Variants in PAPOLG observed in about 807,000 individuals in gnomAD.
The protein encoded by PAPOLG is poly(A) polymerase gamma, also known as PAP-gamma.
PAPOLG carries 40 observed loss-of-function variants against 99.0 expected under a neutral mutation model. The observed-to-expected ratio is 0.40, with a 90% CI of 0.31 to 0.53. PAPOLG has a LOEUF of 0.53. Among genes scored for constraint, PAPOLG ranks in the 20% least tolerant of loss-of-function variants. The probability of loss-of-function intolerance (pLI) is 0.41; values close to 1 mark genes in which losing one functional copy is unlikely to be tolerated. For synonymous variants in PAPOLG, 310 were observed against 299.3 expected, an observed-to-expected ratio of 1.04 and a Z score of -0.37; for missense variants, 675 against 884.1, an observed-to-expected ratio of 0.76 and a Z score of 3.00.
In PAPOLG at chr2:60,765,342, T is replaced by C. The variant is rs1670644380; in HGVS notation, c.247-3128T>C. 2.0e-5 allele frequency among the ~76,000 whole-genome samples: 3 copies of C among 150,198 alleles called. No individual in the cohort carries two copies. The South Asian group carries it at 6.3e-4, about 32-fold the overall frequency. ...ATCCTCCTGCTTTGGCTTCCCATAG[T>C]GTTGAGATTACAGGCATGAGTCACA... On this transcript the variant is annotated intron_variant, in intron 3 of 21. Coordinates refer to ENST00000238714, the MANE Select transcript of PAPOLG (RefSeq NM_022894.4).
At chr2:60,792,670 G>A (rs933571559) in intron 17 of PAPOLG, among the ~76,000 whole-genome samples, 2 of 152,076 alleles carry the variant, frequency 1.3e-5, no homozygotes, top group Non-Finnish European at 2.9e-5. Context: ...CACGGCAGGC[G>A]AACTGCTGGA....
intron 7 of PAPOLG, among the ~76,000 whole-genome samples, chr2:60,772,790 G>A (rs1025247313): frequency 6.6e-6 from 1 of 152,150 alleles, no homozygotes; most frequent in Non-Finnish European, 1.5e-5. Context: ...GGAAAAGGGA[G>A]GAGTGTTTTA....
intron 6 of PAPOLG, among the ~76,000 whole-genome samples, chr2:60,771,299 T>A (rs986133369): frequency 4.3e-4 from 65 of 152,128 alleles, no homozygotes; most frequent in Non-Finnish European, 3.4e-4. Flanking sequence ...TTGGCATATA[T>A]GTTAACATTT....
At chr2:60,779,570 C>G (rs906947156) in intron 8 of PAPOLG, 67 bp from the exon 9 acceptor site, 16 of 1,491,924 alleles carry the variant, frequency 1.1e-5, no homozygotes, top group African/African-American at 1.4e-5. Context: ...TTGTAAAGAG[C>G]AGAAAAAAAA....
chr2:60,801,440 A>G lies in PAPOLG; in HGVS notation c.*4280A>G, dbSNP rs969772351. 2 of 150,826 alleles carry G rather than the reference A, an allele frequency of 1.3e-5. No individual in the cohort carries two copies. Among genetic ancestry groups the G allele is most frequent in the African/African-American group, 4.9e-5 (2 of 40,956 alleles). The allele number at this position is 150,826 out of a possible 1,614,324, so 9.3% of individuals were successfully genotyped here. A position where few individuals can be genotyped will look rare whatever the true frequency, so the allele number is the denominator to read the frequency against. Reference sequence around the variant, plus strand: ...GGTCACGTCATCCCCCAAATTGTCTATTTTTTCTTTTCTTTTTTTTTAAGA... The same window carrying G: ...GGTCACGTCATCCCCCAAATTGTCTGTTTTTTCTTTTCTTTTTTTTTAAGA... On this transcript the variant is annotated 3_prime_UTR_variant, in exon 22 of 22. Coordinates refer to ENST00000238714, the MANE Select transcript of PAPOLG (RefSeq NM_022894.4).
At chr2:60,756,576 C>A in intron 1 of PAPOLG, 81 bp downstream of exon 1, 4 of 1,441,332 alleles carry the variant, frequency 2.8e-6, no homozygotes, top group Non-Finnish European at 3.7e-6. Flanking sequence ...GTTTCCGTTC[C>A]CTGTCCCTTG....
At chr2:60,771,708 A>G (rs1262004702) in intron 7 of PAPOLG, 78 bp downstream of exon 7, 7 of 1,481,522 alleles carry the variant, frequency 4.7e-6, no homozygotes, top group East Asian at 4.7e-5. Context: ...TGAATTGACT[A>G]TTCAGTTTTG....
At chr2:60,776,910 A>G (rs929917561) in intron 8 of PAPOLG, among the ~76,000 whole-genome samples, 5 of 152,226 alleles carry the variant, frequency 3.3e-5, no homozygotes, top group African/African-American at 1.2e-4. Context: ...TTCATCAATG[A>G]TTTTAACTAG....
chr2:60,780,876 T>C lies in PAPOLG; in HGVS notation c.906+97T>C, dbSNP rs1226392930. The C allele has an allele frequency of 8.1e-6, 8 of 991,552 alleles. No homozygotes were observed. In the African/African-American group the frequency reaches 1.1e-4, roughly 14 times the overall value. 61.4% of individuals were successfully genotyped at this position (991,552 alleles called of 1,614,324 possible). The stretch of plus-strand genomic sequence containing the variant: ...TAAAGATAGTTCCTCTTGTCTCTGT[T>C]CTTCCTTCTATATAACTATAGTCCC... On this transcript the variant is annotated intron_variant, in intron 10 of 21. Coordinates refer to ENST00000238714, the MANE Select transcript of PAPOLG (RefSeq NM_022894.4).
chr2:60,794,888 G>A (rs1671649291), intron 20 of PAPOLG, 76 bp from the exon 21 acceptor site: 1 of 1,583,146 alleles, frequency 6.3e-7, no homozygotes, highest in African/African-American at 1.4e-5. Flanking sequence ...TTTTCGTTAG[G>A]TTTTATTTTA....
chr2:60,789,390 T>G (rs1469566292), intron 15 of PAPOLG, among the ~76,000 whole-genome samples: 1 of 151,536 alleles, frequency 6.6e-6, no homozygotes, highest in African/African-American at 2.4e-5. Flanking sequence ...AAGACTTGAT[T>G]TTTATGGGTT....
At chr2:60,759,978 C>T (rs1045438005) in intron 1 of PAPOLG, 156 bp from the exon 2 acceptor site, 1 of 225,144 alleles carries the variant, frequency 4.4e-6, no homozygotes, top group Admixed American at 6.5e-5. Flanking sequence ...CATAAAATAC[C>T]CATTTTTCCT....
intron 8 of PAPOLG, among the ~76,000 whole-genome samples, chr2:60,777,737 T>C (rs1262059737): frequency 6.6e-6 from 1 of 152,168 alleles, no homozygotes; most frequent in African/African-American, 2.4e-5. Context: ...GGTTCTTAAC[T>C]GGCCTAATTT....
intron 8 of PAPOLG, among the ~76,000 whole-genome samples, chr2:60,776,250 T>C (rs1671014290): frequency 6.6e-6 from 1 of 152,078 alleles, no homozygotes; most frequent in Non-Finnish European, 1.5e-5. Context: ...TTTTTTTTTC[T>C]GAGCAGTAGA....
At chr2:60,786,584 A>G (rs1381244908) in intron 13 of PAPOLG, among the ~76,000 whole-genome samples, 1 of 151,698 alleles carries the variant, frequency 6.6e-6, no homozygotes, top group African/African-American at 2.4e-5. Flanking sequence ...GCTGGAGTGC[A>G]GTGGCACAAT....
chr2:60,783,324 C>CT (rs72172236), intron 13 of PAPOLG, 115 bp downstream of exon 13: 92,127 of 158,086 alleles, frequency 0.58, 27,343 homozygotes, highest in Admixed American at 0.71. Context: ...TATTATATCT[C>CT]TTTTTTTTTT....
chr2:60,799,463 T>A lies in PAPOLG; in HGVS notation c.*2303T>A, dbSNP rs537785896. The stretch of plus-strand genomic sequence containing the variant: ...GGTGGGGTTTGTCAGAAATAAAATA[T>A]TTTCTATCCTGACCAGTAGGTAGAA... On this transcript the variant is annotated 3_prime_UTR_variant, in exon 22 of 22. Transcript: ENST00000238714. The A allele has an allele frequency of 6.6e-6, 1 of 152,456 alleles. No homozygotes were observed. Among genetic ancestry groups the A allele is most frequent in the African/African-American group, 2.4e-5 (1 of 41,576 alleles). The allele number at this position is 152,456 out of a possible 1,614,324, so 9.4% of individuals were successfully genotyped here. A position where few individuals can be genotyped will look rare whatever the true frequency, so the allele number is the denominator to read the frequency against.
At chr2:60,773,752 G>A (rs539345169) in intron 7 of PAPOLG, among the ~76,000 whole-genome samples, 1 of 150,978 alleles carries the variant, frequency 6.6e-6, no homozygotes, top group Non-Finnish European at 1.5e-5. Flanking sequence ...AGAAAAGTAT[G>A]GAAAGGTGTC....
intron 8 of PAPOLG, among the ~76,000 whole-genome samples, chr2:60,778,312 A>AATTTTATTTT (rs70959864): frequency 1.6e-3 from 234 of 147,952 alleles, no homozygotes; most frequent in Middle Eastern, 3.4e-3. Context: ...ACACCCGGCT[A>AATTTTATTTT]ATTTTATTTT....
Sources: gnomAD v4.1 joint callset for allele counts (sites outside exome capture counted in the v4.1 genomes callset) on GRCh38, gnomAD v4.1.1 for gene constraint, MANE v1.5 for transcripts, NCBI Gene and HGNC (gene_info 2026-07-23, HGNC 2026-07-21) for gene names.